Variants in SLC22A3 observed in about 807,000 individuals in gnomAD.
SLC22A3 encodes EMT organic cation transporter 3.
SLC22A3 carries 51 observed loss-of-function variants against 59.1 expected under a neutral mutation model. The ratio of observed to expected loss-of-function variants is 0.86; its 90% CI spans 0.69 to 1.09. The LOEUF is 1.09. Among genes scored for constraint, SLC22A3 ranks in the 50% least tolerant of loss-of-function variants. The probability of loss-of-function intolerance (pLI) is 0.00; values close to 1 mark genes in which losing one functional copy is unlikely to be tolerated. For synonymous variants in SLC22A3, 325 were observed against 292.0 expected, an observed-to-expected ratio of 1.11 and a Z score of -1.15; for missense variants, 711 against 726.3, an observed-to-expected ratio of 0.98 and a Z score of 0.24.
At chr6:160,360,332 C>T (rs1784973956) in intron 1 of SLC22A3, among the ~76,000 whole-genome samples, 1 of 152,124 alleles carries the variant, frequency 6.6e-6, no homozygotes, top group South Asian at 2.1e-4. Flanking sequence ...ATGGCAGGCT[C>T]CTGTAATCCC....
chr6:160,356,959 A>C (rs901323183), intron 1 of SLC22A3, among the ~76,000 whole-genome samples: 5 of 152,184 alleles, frequency 3.3e-5, no homozygotes, highest in Non-Finnish European at 5.9e-5. Flanking sequence ...AAAATTAGTG[A>C]GGGGTGAAGT....
At chr6:160,355,914 T>C (rs1333527335) in intron 1 of SLC22A3, among the ~76,000 whole-genome samples, 1 of 152,222 alleles carries the variant, frequency 6.6e-6, no homozygotes, top group Admixed American at 6.5e-5. Flanking sequence ...TTCCTTTATC[T>C]GTCTAGCTGC....
intron 5 of SLC22A3, among the ~76,000 whole-genome samples, chr6:160,433,585 G>T (rs1236154156): frequency 6.6e-6 from 1 of 152,056 alleles, no homozygotes; most frequent in Non-Finnish European, 1.5e-5. Flanking sequence ...GCATGCACCT[G>T]TGGTACCAGC....
intron 1 of SLC22A3, among the ~76,000 whole-genome samples, chr6:160,390,930 C>T (rs1421978833): frequency 2.0e-5 from 3 of 152,130 alleles, no homozygotes; most frequent in African/African-American, 7.2e-5. Context: ...ATGCCCCTCT[C>T]CTGGCTCCAG....
intron 1 of SLC22A3, among the ~76,000 whole-genome samples, chr6:160,380,893 T>C (rs1785770874): frequency 6.6e-6 from 1 of 152,164 alleles, no homozygotes; most frequent in African/African-American, 2.4e-5. Context: ...TGGTCACAAT[T>C]GAGGTGTTCA....
chr6:160,423,768 G>A (rs1417136313), intron 5 of SLC22A3, among the ~76,000 whole-genome samples: 1 of 152,134 alleles, frequency 6.6e-6, no homozygotes. Context: ...CCATTCTCTA[G>A]GTTGCCTGTT....
In SLC22A3 at chr6:160,451,159, C is replaced by T. The variant is rs184920672; in HGVS notation, c.*103C>T. 2.5e-3 allele frequency: 2,559 copies of T among 1,031,084 alleles called. 7 individuals are homozygous for T. The highest frequency in any genetic ancestry group is 3.3e-3 in the Non-Finnish European group (2,216 of 673,894). 63.9% of individuals were successfully genotyped at this position (1,031,084 alleles called of 1,614,324 possible). A position where few individuals can be genotyped will look rare whatever the true frequency, so the allele number is the denominator to read the frequency against. On this transcript the variant is annotated 3_prime_UTR_variant, in exon 11 of 11. Transcript: ENST00000275300. ...CGTGTGCATTTCAGCTACATCATGCCGCGCTGTTGTAATACTGTATAAAGA... is the reference window on the plus strand; with the variant it reads ...CGTGTGCATTTCAGCTACATCATGCTGCGCTGTTGTAATACTGTATAAAGA...
intron 1 of SLC22A3, among the ~76,000 whole-genome samples, chr6:160,388,391 C>T (rs1196098816): frequency 1.3e-5 from 2 of 152,152 alleles, no homozygotes; most frequent in African/African-American, 4.8e-5. Context: ...ACACAGATTT[C>T]TGGGACCCAC....
intron 7 of SLC22A3, among the ~76,000 whole-genome samples, chr6:160,441,949 C>A (rs888505451): frequency 6.6e-6 from 1 of 152,166 alleles, no homozygotes; most frequent in Non-Finnish European, 1.5e-5. Context: ...AGAGCAGTGA[C>A]TTTTTAGAGT....
At chr6:160,378,665 A>G (rs753430029) in intron 1 of SLC22A3, among the ~76,000 whole-genome samples, 29 of 152,240 alleles carry the variant, frequency 1.9e-4, no homozygotes, top group Admixed American at 4.6e-4. Flanking sequence ...TGAAAATATC[A>G]TAAGTTGAAA....
At chr6:160,422,735 G>A (rs1787789319) in intron 5 of SLC22A3, among the ~76,000 whole-genome samples, 1 of 151,960 alleles carries the variant, frequency 6.6e-6, no homozygotes, top group African/African-American at 2.4e-5. Context: ...TCCTTTGCGG[G>A]AGAAGGATTT....
intron 1 of SLC22A3, among the ~76,000 whole-genome samples, chr6:160,358,045 A>T (rs1424429520): frequency 2.6e-5 from 4 of 152,262 alleles, no homozygotes; most frequent in Admixed American, 2.6e-4. Flanking sequence ...AAAACCAAAT[A>T]AAATTGTCTA....
Position 160,410,710 on chromosome 6 carries a change from C to T in SLC22A3, c.858-19C>T, listed in dbSNP as rs2114860077. ...TGAAATTCCTAGACATAACTCACAA[C>T]AGCCTCCTTCTTTGCCAGGGTGGTC... On this transcript the variant is annotated intron_variant, in intron 4 of 10. Transcript: ENST00000275300. 6.7e-7 allele frequency: 1 copy of T among 1,501,018 alleles called. No individual in the cohort carries two copies. The highest frequency in any genetic ancestry group is 9.3e-7 in the Non-Finnish European group (1 of 1,077,202). The allele number at this position is 1,501,018 out of a possible 1,614,324, so 93.0% of individuals were successfully genotyped here. A position where few individuals can be genotyped will look rare whatever the true frequency, so the allele number is the denominator to read the frequency against.
chr6:160,439,259 T>C (rs2114918745), intron 7 of SLC22A3, among the ~76,000 whole-genome samples: 1 of 152,284 alleles, frequency 6.6e-6, no homozygotes, highest in South Asian at 2.1e-4. Context: ...CTGTTCTATT[T>C]TACTTTGGTA....
chr6:160,435,243 A>T (rs1298934147), intron 5 of SLC22A3, among the ~76,000 whole-genome samples: 1 of 152,206 alleles, frequency 6.6e-6, no homozygotes, highest in Non-Finnish European at 1.5e-5. Context: ...TTCCACGGCG[A>T]TTGTCATGGA....
chr6:160,348,523 T>A lies in SLC22A3; in HGVS notation c.104T>A (p.Leu35His), dbSNP rs1562461770. The part of the protein sequence containing the change: ...LCLTGVTFAF[L>H]FVGVVFLGTQ... ...CTGACGGGCGTCACCTTCGCCTTCC[T>A]CTTCGTCGGCGTGGTCTTCCTGGGC... Residue 35 changes from leucine (L) to histidine (H), a missense_variant, in exon 1 of 11, where the codon CTC becomes CAC. By Grantham distance (99) the Leu-to-His change is moderately conservative. Coordinates refer to ENST00000275300, the MANE Select transcript of SLC22A3 (RefSeq NM_021977.4). The A allele has an allele frequency of 6.4e-7, 1 of 1,565,662 alleles. No homozygotes were observed. Among genetic ancestry groups the A allele is most frequent in the Non-Finnish European group, 8.6e-7 (1 of 1,163,866 alleles).
At chr6:160,433,068 G>A (rs1266208313) in intron 5 of SLC22A3, among the ~76,000 whole-genome samples, 1 of 152,176 alleles carries the variant, frequency 6.6e-6, no homozygotes, top group African/African-American at 2.4e-5. Flanking sequence ...AGCCATTTAT[G>A]TATCGTCTAT....
At chr6:160,436,397 A>G (rs1324575372) in intron 5 of SLC22A3, among the ~76,000 whole-genome samples, 5 of 152,174 alleles carry the variant, frequency 3.3e-5, no homozygotes, top group Non-Finnish European at 7.4e-5. Context: ...ACATTACTCT[A>G]TTTTGTTTGT....
intron 1 of SLC22A3, among the ~76,000 whole-genome samples, chr6:160,353,190 C>A (rs1325108807): frequency 1.3e-5 from 2 of 152,188 alleles, no homozygotes; most frequent in African/African-American, 4.8e-5. Context: ...TTGGTCTAGG[C>A]AGCAGAATGG....
Sources: allele counts gnomAD v4.1 joint callset (sites outside exome capture counted in the v4.1 genomes callset), GRCh38; gene constraint gnomAD v4.1.1; transcripts MANE v1.5; gene names NCBI Gene and HGNC (gene_info 2026-07-23, HGNC 2026-07-21).